VWA3B: variants seen among roughly 807,000 people sequenced by gnomAD.
VWA3B encodes von Willebrand factor A domain-containing protein 3B.
VWA3B carries 138 observed loss-of-function variants against 158.3 expected under a neutral mutation model. That is an observed-to-expected ratio of 0.87 (90% CI 0.76 to 1.00). The LOEUF is 1.00. Ranked by LOEUF, VWA3B falls within the 50% of genes least tolerant of loss-of-function variation. The probability of loss-of-function intolerance (pLI) is 0.00; values close to 1 mark genes in which losing one functional copy is unlikely to be tolerated. For synonymous variants in VWA3B, 596 were observed against 587.3 expected (o/e 1.01, Z -0.21); for missense variants, 1,555 against 1,565.1 (o/e 0.99, Z 0.11).
intron 12 of VWA3B, among the ~76,000 whole-genome samples, chr2:98,195,017 C>T (rs765092960): frequency 3.3e-5 from 5 of 152,244 alleles, no homozygotes; most frequent in Non-Finnish European, 7.3e-5. Flanking sequence ...GGCATTTACA[C>T]AGACTCCTGG....
chr2:98,183,647 C>T (rs1168889917), intron 9 of VWA3B, among the ~76,000 whole-genome samples: 1 of 152,194 alleles, frequency 6.6e-6, no homozygotes, highest in Non-Finnish European at 1.5e-5. Context: ...ATTCTTGTCT[C>T]TTTGTCTATT....
intron 23 of VWA3B, among the ~76,000 whole-genome samples, chr2:98,294,203 CAAAAAAAA>C (rs751689571): frequency 5.5e-4 from 31 of 56,292 alleles, no homozygotes; most frequent in East Asian, 3.6e-3. Flanking sequence ...CACACACACA[CAAAAAAAA>C]AAAAAAAAAA....
chr2:98,163,041 C>T (rs1054222693), intron 8 of VWA3B, 65 bp downstream of exon 8: 3 of 1,593,258 alleles, frequency 1.9e-6, no homozygotes, highest in African/African-American at 2.7e-5. Context: ...GGACCAGGGG[C>T]TGCTTCCATG....
intron 3 of VWA3B, among the ~76,000 whole-genome samples, chr2:98,118,655 C>T (rs1013192868): frequency 1.3e-5 from 2 of 152,048 alleles, no homozygotes; most frequent in African/African-American, 2.4e-5. Flanking sequence ...GGATATAAAC[C>T]CAGGCATTTG....
intron 7 of VWA3B, among the ~76,000 whole-genome samples, chr2:98,137,144 A>G (rs1467194701): frequency 2.0e-5 from 3 of 152,166 alleles, no homozygotes; most frequent in African/African-American, 4.8e-5. Flanking sequence ...TCTGCTTTTC[A>G]TTCTTTTGGA....
At chr2:98,185,686 C>T (rs1474998077) in intron 9 of VWA3B, among the ~76,000 whole-genome samples, 1 of 152,200 alleles carries the variant, frequency 6.6e-6, no homozygotes, top group Non-Finnish European at 1.5e-5. Context: ...CCAGTGTCTG[C>T]CATCTACCTT....
Position 98,249,005 on chromosome 2 carries a change from A to G in VWA3B, c.2674-1313A>G, listed in dbSNP as rs566836033. On this transcript the variant is annotated intron_variant, in intron 19 of 27. Coordinates refer to ENST00000477737, the MANE Select transcript of VWA3B (RefSeq NM_144992.5). ...TATCATTTTGGAGGCAAGAGGAAAC[A>G]TAAAAGCATAAACTATGTCACCTCA... Among the ~76,000 whole-genome samples the G allele has an allele frequency of 2.0e-5, 3 of 152,170 alleles. No individual in the cohort carries two copies. The South Asian group carries it at 6.2e-4, about 32-fold the overall frequency.
intron 21 of VWA3B, among the ~76,000 whole-genome samples, chr2:98,259,600 C>T (rs1278988260): frequency 1.3e-5 from 2 of 151,650 alleles, no homozygotes; most frequent in Non-Finnish European, 3.0e-5. Context: ...CCTGCTTTCA[C>T]TTCTGATAGT....
rs577546912 is a variant in VWA3B, at chr2:98,116,478, T to C, written c.291+732T>C. ...GGTTTGGTCTCTTTACGTAATCCTA[T>C]GTGTCTCAGAGGTTTTGTTCATTTT... On this transcript the variant is annotated intron_variant, in intron 3 of 27. Transcript: ENST00000477737. Among the ~76,000 whole-genome samples the C allele has an allele frequency of 2.6e-5, 4 of 152,308 alleles. No individual in the cohort carries two copies. In the South Asian group the frequency reaches 8.3e-4, roughly 32 times the overall value.
rs577773900 is a variant in VWA3B at position 98,223,963 on chromosome 2, A to G, written c.2020-4239A>G. ...GGCTGGTCTTGAACTCCTGGCCTCA[A>G]GCAGTCCTCCTGCCTCAGCCTCTCA... On this transcript the variant is annotated intron_variant, in intron 14 of 27. Transcript: ENST00000477737. Among the ~76,000 whole-genome samples, 28 of 152,222 alleles carry G rather than the reference A, an allele frequency of 1.8e-4. 1 individual carries two copies. The highest frequency in any genetic ancestry group is 6.7e-4 in the African/African-American group (28 of 41,528).
intron 2 of VWA3B, among the ~76,000 whole-genome samples, chr2:98,110,984 C>A (rs778231608): frequency 9.9e-5 from 15 of 152,200 alleles, no homozygotes; most frequent in Admixed American, 1.3e-4. Context: ...TTGCCTTCCA[C>A]CATGATTGTG....
intron 20 of VWA3B, 101 bp from the exon 21 acceptor site, chr2:98,256,023 A>T: frequency 7.8e-7 from 1 of 1,286,588 alleles, no homozygotes; most frequent in Non-Finnish European, 1.1e-6. Flanking sequence ...CTCAGTGGAG[A>T]TGATGCTTAG....
chr2:98,115,616 C>A (rs778013326), intron 2 of VWA3B, 36 bp from the exon 3 acceptor site: 1 of 1,528,906 alleles, frequency 6.5e-7, no homozygotes, highest in Non-Finnish European at 9.1e-7. Context: ...CACTCATGTA[C>A]TACTGTTTTG....
the VWA3B span, among the ~76,000 whole-genome samples, chr2:98,330,312 C>T: frequency 1.6e-3 from 238 of 152,258 alleles, no homozygotes; most frequent in East Asian, 5.6e-3. Context: ...GATGGTGGTC[C>T]GGAGACTTAT....
At chr2:98,323,203 T>A in the VWA3B span, among the ~76,000 whole-genome samples, 1 of 151,794 alleles carries the variant, frequency 6.6e-6, no homozygotes, top group Non-Finnish European at 1.5e-5. Flanking sequence ...AAAGAAAGAG[T>A]ATCAATGAAG....
intron 19 of VWA3B, among the ~76,000 whole-genome samples, chr2:98,244,155 A>T (rs924379478): frequency 1.3e-5 from 2 of 152,180 alleles, no homozygotes; most frequent in Non-Finnish European, 2.9e-5. Flanking sequence ...AGCATATGTT[A>T]TGAACATTTT....
intron 21 of VWA3B, among the ~76,000 whole-genome samples, chr2:98,259,460 T>C (rs1199113097): frequency 6.6e-6 from 1 of 151,770 alleles, no homozygotes; most frequent in East Asian, 1.9e-4. Context: ...ATCTATTTCT[T>C]CTTGAGTCAT....
At chr2:98,322,554 A>C in the VWA3B span, among the ~76,000 whole-genome samples, 1 of 152,216 alleles carries the variant, frequency 6.6e-6, no homozygotes, top group Non-Finnish European at 1.5e-5. Flanking sequence ...ATTAGGCAGA[A>C]ACTAGAGAGG....
chr2:98,298,781 G>A (rs934549429), intron 24 of VWA3B, among the ~76,000 whole-genome samples: 2 of 152,262 alleles, frequency 1.3e-5, no homozygotes, highest in African/African-American at 4.8e-5. Context: ...GAATGGGCCC[G>A]AGCAAGAGGC....
Sources: allele counts gnomAD v4.1 joint callset (sites outside exome capture counted in the v4.1 genomes callset), GRCh38; gene constraint gnomAD v4.1.1; transcripts MANE v1.5; gene names NCBI Gene and HGNC (gene_info 2026-07-23, HGNC 2026-07-21).